The following CRY1 variants were observed in gnomAD, a reference collection of about 807,000 sequenced individuals.
The protein encoded by CRY1 is cryptochrome-1.
CRY1 carries 45 observed loss-of-function variants against 76.0 expected under a neutral mutation model. That is an observed-to-expected ratio of 0.59 (90% CI 0.47 to 0.76). CRY1 has a LOEUF of 0.76. Among genes scored for constraint, CRY1 ranks in the 30% least tolerant of loss-of-function variants. CRY1 has a pLI of 0.00. For missense variants in CRY1, 587 were observed against 716.4 expected, an observed-to-expected ratio of 0.82 and a Z score of 2.06; for synonymous variants, 248 against 244.0, an observed-to-expected ratio of 1.02 and a Z score of -0.15.
intron 2 of CRY1, among the ~76,000 whole-genome samples, chr12:107,017,436 C>T (rs1210424050): frequency 6.6e-6 from 1 of 152,176 alleles, no homozygotes; most frequent in Non-Finnish European, 1.5e-5. Flanking sequence ...TGGTTTCACT[C>T]GGATCTGCTC....
At chr12:107,017,358 T>C (rs1952507973) in intron 2 of CRY1, among the ~76,000 whole-genome samples, 1 of 152,256 alleles carries the variant, frequency 6.6e-6, no homozygotes, top group African/African-American at 2.4e-5. Context: ...TCCTTCCCCA[T>C]GTTGCAGTTA....
chr12:107,034,052 G>T (rs1294030560), intron 1 of CRY1, among the ~76,000 whole-genome samples: 1 of 151,548 alleles, frequency 6.6e-6, no homozygotes, highest in Non-Finnish European at 1.5e-5. Flanking sequence ...TTAGTCACAG[G>T]GTGAGACAGG....
chr12:107,076,664 C>A (rs1953257161), intron 1 of CRY1, among the ~76,000 whole-genome samples: 1 of 151,410 alleles, frequency 6.6e-6, no homozygotes, highest in Non-Finnish European at 1.5e-5. Flanking sequence ...TACACTGACT[C>A]ATGTATCTTC....
At position 107,093,180 on chromosome 12, in the gene CRY1, T is replaced by G. The variant is rs1358836121; in HGVS notation, c.-219A>C. The G allele has an allele frequency of 2.6e-5, 14 of 528,884 alleles. No individual in the cohort carries two copies. The highest frequency in any genetic ancestry group is 7.5e-5 in the Admixed American group (2 of 26,624). The allele number at this position is 528,884 out of a possible 1,614,324, so 32.8% of individuals were successfully genotyped here. ...AATGGAGGTTGCCTAGTCGGCGGAG[T>G]CCGGGTGTGACGCCCTTTAGGAGCC... On this transcript the variant is annotated 5_prime_UTR_variant, in exon 1 of 13. Coordinates refer to ENST00000008527, the MANE Select transcript of CRY1 (RefSeq NM_004075.5).
chr12:107,035,807 CA>C (rs747041711), intron 1 of CRY1, among the ~76,000 whole-genome samples: 2 of 152,166 alleles, frequency 1.3e-5, no homozygotes, highest in Non-Finnish European at 2.9e-5. Context: ...ATTTATTAAA[CA>C]TCTCCCTTTG....
intron 1 of CRY1, among the ~76,000 whole-genome samples, chr12:107,062,677 A>G (rs1258959388): frequency 6.6e-6 from 1 of 152,208 alleles, no homozygotes; most frequent in Non-Finnish European, 1.5e-5. Context: ...GCACACTGGG[A>G]GTTGCATTCA....
At chr12:107,037,871 GCTAA>G (rs1294565227) in intron 1 of CRY1, among the ~76,000 whole-genome samples, 1 of 152,008 alleles carries the variant, frequency 6.6e-6, no homozygotes, top group African/African-American at 2.4e-5. Flanking sequence ...AGCACACCTG[GCTAA>G]CTTTTTAATT....
intron 1 of CRY1, among the ~76,000 whole-genome samples, chr12:107,039,374 A>G (rs1047580648): frequency 6.6e-6 from 1 of 152,210 alleles, no homozygotes; most frequent in African/African-American, 2.4e-5. Flanking sequence ...AACTATCAAC[A>G]GAGAGAAAAG....
chr12:107,017,414 T>C (rs1181869318), intron 2 of CRY1, among the ~76,000 whole-genome samples: 1 of 152,224 alleles, frequency 6.6e-6, no homozygotes, highest in East Asian at 1.9e-4. Context: ...GGTATCTGGA[T>C]GGTTCTTTTA....
chr12:107,083,032 T>G (rs1229337706), intron 1 of CRY1, among the ~76,000 whole-genome samples: 1 of 151,934 alleles, frequency 6.6e-6, no homozygotes, highest in Non-Finnish European at 1.5e-5. Flanking sequence ...CCCTCAGAAG[T>G]ACAAACTACT....
At chr12:106,999,429 T>C in intron 7 of CRY1, 122 bp downstream of exon 7, 1 of 865,454 alleles carries the variant, frequency 1.2e-6, no homozygotes. Context: ...GGGAATTAAA[T>C]GTTTTATCCA....
At chr12:107,045,745 G>C (rs983177985) in intron 1 of CRY1, among the ~76,000 whole-genome samples, 3 of 151,994 alleles carry the variant, frequency 2.0e-5, no homozygotes, top group Non-Finnish European at 2.9e-5. Flanking sequence ...ACTCATAGTG[G>C]GGGAACTGAA....
chr12:107,048,053 T>C (rs1952870116), intron 1 of CRY1, among the ~76,000 whole-genome samples: 1 of 151,202 alleles, frequency 6.6e-6, no homozygotes, highest in Non-Finnish European at 1.5e-5. Flanking sequence ...TTCAAAGCAA[T>C]TATATTATTT....
intron 10 of CRY1, among the ~76,000 whole-genome samples, chr12:106,994,246 C>T (rs1488989040): frequency 7.2e-5 from 11 of 152,146 alleles, no homozygotes; most frequent in Non-Finnish European, 2.9e-5. Flanking sequence ...ATAGCATAGC[C>T]CAAGCCGTGT....
At chr12:107,016,750 T>G (rs1952501688) in intron 2 of CRY1, among the ~76,000 whole-genome samples, 1 of 152,196 alleles carries the variant, frequency 6.6e-6, no homozygotes, top group Non-Finnish European at 1.5e-5. Context: ...CATCCCAAAC[T>G]AAAAATTTAT....
At chr12:107,041,740 G>A (rs532384212) in intron 1 of CRY1, among the ~76,000 whole-genome samples, 2 of 144,964 alleles carry the variant, frequency 1.4e-5, no homozygotes, top group East Asian at 2.1e-4. Context: ...CTATTTTTAC[G>A]CTAGATGAAT....
chr12:107,089,455 C>T (rs1953443431), intron 1 of CRY1, among the ~76,000 whole-genome samples: 1 of 152,108 alleles, frequency 6.6e-6, no homozygotes, highest in Admixed American at 6.5e-5. Context: ...CTGCCTCAGC[C>T]TCCTGAGTAG....
At chr12:107,017,691 TG>T (rs1326689498) in intron 2 of CRY1, among the ~76,000 whole-genome samples, 1 of 152,236 alleles carries the variant, frequency 6.6e-6, no homozygotes, top group East Asian at 1.9e-4. Flanking sequence ...CTTTGACACT[TG>T]GTTAAAAACA....
intron 1 of CRY1, among the ~76,000 whole-genome samples, chr12:107,034,781 A>C (rs191165464): frequency 6.6e-6 from 1 of 152,204 alleles, no homozygotes; most frequent in South Asian, 2.1e-4. Flanking sequence ...TTATTTATAG[A>C]TGATAGGCAA....
Sources: allele counts gnomAD v4.1 joint callset (sites outside exome capture counted in the v4.1 genomes callset), GRCh38; gene constraint gnomAD v4.1.1; transcripts MANE v1.5; gene names NCBI Gene and HGNC (gene_info 2026-07-23, HGNC 2026-07-21).